The following ABL1 variants were observed in gnomAD, a reference collection of about 807,000 sequenced individuals.
ABL1 encodes the protein tyrosine-protein kinase ABL1.
In ABL1, 11 loss-of-function variants were observed where a neutral mutation model predicts 94.7. The observed-to-expected ratio is 0.12, with a 90% CI of 0.07 to 0.19. The LOEUF (loss-of-function observed/expected upper bound fraction) is 0.19. ABL1 is among the 10% of genes least tolerant of loss of function. The pLI is 1.00. For synonymous variants in ABL1, 656 were observed against 622.4 expected (o/e 1.05, Z -0.80); for missense variants, 1,082 against 1,489.4 (o/e 0.73, Z 4.50).
intron 3 of ABL1, among the ~76,000 whole-genome samples, chr9:130,857,575 C>T (rs1353445680): frequency 6.6e-6 from 1 of 151,800 alleles, no homozygotes. Context: ...CTTGTAATTG[C>T]TATGGCTTCA....
intron 1 of ABL1, among the ~76,000 whole-genome samples, chr9:130,748,648 TCAC>T (rs1388971418): frequency 6.6e-6 from 1 of 152,052 alleles, no homozygotes; most frequent in Admixed American, 6.5e-5. Flanking sequence ...TGATCTTGGC[TCAC>T]TGCAACCTTC....
At chr9:130,746,726 C>T (rs918133541) in intron 1 of ABL1, among the ~76,000 whole-genome samples, 5 of 151,730 alleles carry the variant, frequency 3.3e-5, no homozygotes, top group East Asian at 1.9e-4. Context: ...TTGGTGATTA[C>T]GAATAGAGTT....
chr9:130,885,468 G>A lies in ABL1; in HGVS notation c.3178G>A (p.Gly1060Ser), dbSNP rs777717678. The A allele has an allele frequency of 1.1e-5, 18 of 1,613,940 alleles. No homozygotes were observed. Among genetic ancestry groups the A allele is most frequent in the South Asian group, 6.6e-5 (6 of 91,092 alleles). ...MASHSAVLEA[G>S]KNLYTFCVSY... ...CAGCCACAGCGCAGTGCTGGAGGCCGGCAAAAACCTCTACACGTTCTGCGT... is the reference window on the plus strand; with the variant it reads ...CAGCCACAGCGCAGTGCTGGAGGCCAGCAAAAACCTCTACACGTTCTGCGT... Residue 1060 changes from glycine to serine, a missense_variant, in exon 11 of 11, where the codon GGC becomes AGC. Transcript: ENST00000318560.
intron 8 of ABL1, among the ~76,000 whole-genome samples, chr9:130,879,843 C>A (rs1215312184): frequency 6.6e-6 from 1 of 152,222 alleles, no homozygotes; most frequent in Non-Finnish European, 1.5e-5. Flanking sequence ...GTCACTGTCT[C>A]TCTGGGGTTT....
Position 130,884,862 on chromosome 9 carries a change from G to A in ABL1, c.2572G>A (p.Gly858Ser), listed in dbSNP as rs1453982773. Residue 858 changes from glycine (G) to serine (S), a missense_variant, in exon 11 of 11, where the codon GGC becomes AGC. Physicochemically the swap from Gly to Ser is moderately conservative, Grantham distance 56. Transcript: ENST00000318560. The surrounding 1 kb of genome is among the most constrained non-coding windows in gnomAD (Gnocchi z 5.6). Reference sequence around the variant, plus strand: ...GCCAGTGACCCCCACCAGCAAAGCAGGCTCAGGTGCACCAGGGGGCACCAG... The same window carrying A: ...GCCAGTGACCCCCACCAGCAAAGCAAGCTCAGGTGCACCAGGGGGCACCAG... ...AEPVTPTSKA[G>S]SGAPGGTSKG... 1.2e-6 allele frequency: 2 copies of A among 1,607,012 alleles called. No individual in the cohort carries two copies. Among genetic ancestry groups the A allele is most frequent in the Admixed American group, 1.7e-5 (1 of 59,442 alleles).
chr9:130,884,135 C>T lies in ABL1; in HGVS notation c.1845C>T (p.Pro615=). 1 of 1,613,668 alleles carries T rather than the reference C, an allele frequency of 6.2e-7. No individual in the cohort carries two copies. The highest frequency in any genetic ancestry group is 8.5e-7 in the Non-Finnish European group (1 of 1,180,044). ...KKKKKTAPTP[P]KRSSSFREMD... Reference sequence around the variant, plus strand: ...AGAAGAAGACAGCCCCAACCCCTCCCAAACGCAGCAGCTCCTTCCGGGAGA... The same window carrying T: ...AGAAGAAGACAGCCCCAACCCCTCCTAAACGCAGCAGCTCCTTCCGGGAGA... The change falls in exon 11 of 11, where the codon CCC becomes CCT. Residue 615 remains proline, a synonymous_variant. Coordinates refer to ENST00000318560, the MANE Select transcript of ABL1 (RefSeq NM_005157.6). This position sits in a 1 kb window ranked among gnomAD's most constrained non-coding sequence, Gnocchi z 5.6.
intron 2 of ABL1, among the ~76,000 whole-genome samples, 165 bp from the exon 3 acceptor site, chr9:130,854,636 C>T (rs1292892780): frequency 6.6e-6 from 1 of 152,160 alleles, no homozygotes; most frequent in Non-Finnish European, 1.5e-5. Context: ...CAAATGTAAA[C>T]GTGAATTCTC....
In ABL1 at chr9:130,887,476, A is replaced by T; in HGVS notation, c.*1793A>T. 4.3e-6 allele frequency: 1 copy of T among 233,036 alleles called. No individual in the cohort carries two copies. The highest frequency in any genetic ancestry group is 6.1e-5 in the East Asian group (1 of 16,516). 14.4% of individuals were successfully genotyped at this position (233,036 alleles called of 1,614,324 possible). On this transcript the variant is annotated 3_prime_UTR_variant, in exon 11 of 11. Coordinates refer to ENST00000318560, the MANE Select transcript of ABL1 (RefSeq NM_005157.6). ...CTATATTTTACACGTATCTCTTGGT[A>T]TGCATCTTTTATAGACGCTCTTTTC...
At chr9:130,722,654 C>G (rs116621198) in intron 1 of ABL1, among the ~76,000 whole-genome samples, 2 of 152,068 alleles carry the variant, frequency 1.3e-5, no homozygotes, top group Non-Finnish European at 2.9e-5. Context: ...TGCACCTGGC[C>G]ATGTATGTAC....
intron 1 of ABL1, among the ~76,000 whole-genome samples, chr9:130,730,552 A>G (rs557238963): frequency 2.3e-4 from 35 of 150,998 alleles, no homozygotes; most frequent in African/African-American, 7.3e-4. Flanking sequence ...GATTTTTAGG[A>G]GTTATTTATA....
At chr9:130,795,918 G>A (rs926934200) in intron 1 of ABL1, among the ~76,000 whole-genome samples, 4 of 152,172 alleles carry the variant, frequency 2.6e-5, no homozygotes, top group Non-Finnish European at 5.9e-5. Flanking sequence ...TAGGCTGGGC[G>A]CGGTGGCTCA....
chr9:130,741,074 C>T (rs1251872340), intron 1 of ABL1, among the ~76,000 whole-genome samples: 2 of 152,060 alleles, frequency 1.3e-5, no homozygotes, highest in Non-Finnish European at 2.9e-5. Context: ...GCCACAGGTA[C>T]ATAGACTAAG....
At position 130,887,041 on chromosome 9, in the gene ABL1, G is replaced by A. The variant is rs552587778; in HGVS notation, c.*1358G>A. The A allele has an allele frequency of 3.9e-5, 9 of 233,108 alleles. No homozygotes were observed. Among genetic ancestry groups the A allele is most frequent in the Middle Eastern group, 1.3e-3 (1 of 786 alleles). 14.4% of individuals were successfully genotyped at this position (233,108 alleles called of 1,614,324 possible). ...CGAGGCTGCCCCAGGCCGGAGCCCAGATACGGGGGCTGTGACTCTGGGCAG... is the reference window on the plus strand; with the variant it reads ...CGAGGCTGCCCCAGGCCGGAGCCCAAATACGGGGGCTGTGACTCTGGGCAG... On this transcript the variant is annotated 3_prime_UTR_variant, in exon 11 of 11. Coordinates refer to ENST00000318560, the MANE Select transcript of ABL1 (RefSeq NM_005157.6).
chr9:130,852,841 T>C (rs1830893864), intron 1 of ABL1, among the ~76,000 whole-genome samples: 1 of 152,222 alleles, frequency 6.6e-6, no homozygotes. Context: ...TTTTCTATTC[T>C]GTAATAATAA....
chr9:130,815,675 T>A (rs1675473798), intron 1 of ABL1, among the ~76,000 whole-genome samples: 1 of 152,132 alleles, frequency 6.6e-6, no homozygotes, highest in African/African-American at 2.4e-5. Context: ...AAATGTCATA[T>A]TTCTGTCTCG....
At chr9:130,877,831 G>A (rs34489018) in intron 7 of ABL1, among the ~76,000 whole-genome samples, 1 of 124,512 alleles carries the variant, frequency 8.0e-6, no homozygotes, top group Non-Finnish European at 1.7e-5. Flanking sequence ...TTTTGAGATG[G>A]AGTCTCGCTC....
chr9:130,810,155 A>G (rs998803350), intron 1 of ABL1, among the ~76,000 whole-genome samples: 16 of 152,206 alleles, frequency 1.1e-4, no homozygotes, highest in African/African-American at 3.9e-4. Context: ...ATTGTATTCC[A>G]TGTGTTCAGT....
chr9:130,737,184 G>T (rs1040651925), intron 1 of ABL1, among the ~76,000 whole-genome samples: 1 of 152,120 alleles, frequency 6.6e-6, no homozygotes, highest in Non-Finnish European at 1.5e-5. Flanking sequence ...AAATAGGGAG[G>T]ACACTCTGAC....
At chr9:130,769,520 G>A (rs1832226689) in intron 1 of ABL1, among the ~76,000 whole-genome samples, 1 of 151,622 alleles carries the variant, frequency 6.6e-6, no homozygotes, top group Admixed American at 6.6e-5. Flanking sequence ...TATATTTTAA[G>A]TACAAATGGG....
Sources: allele counts gnomAD v4.1 joint callset (sites outside exome capture counted in the v4.1 genomes callset), GRCh38; gene constraint gnomAD v4.1.1; non-coding constraint Gnocchi (gnomAD v3.1); transcripts MANE v1.5; gene names NCBI Gene and HGNC (gene_info 2026-07-23, HGNC 2026-07-21).